ELOC: variants seen among roughly 807,000 people sequenced by gnomAD.
The protein encoded by ELOC is elongin-C.
For synonymous variants in ELOC, 40 were observed against 51.3 expected, an observed-to-expected ratio of 0.78 and a Z score of 0.94; for missense variants, 38 against 139.0, an observed-to-expected ratio of 0.27 and a Z score of 3.65.
chr8:73,952,213 G>A (rs1249637126), intron 3 of ELOC, among the ~76,000 whole-genome samples: 2 of 152,000 alleles, frequency 1.3e-5, no homozygotes, highest in Non-Finnish European at 2.9e-5. Context: ...AGACCAGCCT[G>A]GCCAACACGG....
chr8:73,968,353 C>T (rs990985970), intron 1 of ELOC, among the ~76,000 whole-genome samples: 3 of 152,194 alleles, frequency 2.0e-5, no homozygotes, highest in African/African-American at 7.2e-5. Context: ...GAGTCGCCCT[C>T]CCACAACACA....
chr8:73,964,374 T>C (rs1048967344), intron 1 of ELOC: 2 of 151,950 alleles, frequency 1.3e-5, no homozygotes, highest in Non-Finnish European at 2.9e-5. Context: ...AATATCCATA[T>C]GGATAAGAAG....
rs1813358652 is a variant in ELOC, at chr8:73,946,024, T to G, written c.*606A>C. On this transcript the variant is annotated 3_prime_UTR_variant, in exon 4 of 4. Coordinates refer to ENST00000520242, the MANE Select transcript of ELOC (RefSeq NM_005648.4). ...AGTTCAGTTTCTTCTGCAAAAGCTG[T>G]ACCTAGTAACCTTCCAAAATTGTTT... 6.6e-6 allele frequency: 1 copy of G among 151,404 alleles called. No homozygotes were observed. The highest frequency in any genetic ancestry group is 2.1e-4 in the South Asian group (1 of 4,832). 9.4% of individuals were successfully genotyped at this position (151,404 alleles called of 1,614,324 possible).
intron 2 of ELOC, among the ~76,000 whole-genome samples, chr8:73,957,682 T>C (rs1378005258): frequency 6.6e-6 from 1 of 152,200 alleles, no homozygotes; most frequent in African/African-American, 2.4e-5. Context: ...GAATAGTCTT[T>C]GAAGTAGAAA....
At chr8:73,970,989 A>C (rs1352214011) in intron 1 of ELOC, among the ~76,000 whole-genome samples, 2 of 145,986 alleles carry the variant, frequency 1.4e-5, no homozygotes, top group Non-Finnish European at 3.0e-5. Flanking sequence ...AGCCGAGATC[A>C]AGTCACTGCA....
chr8:73,950,240 TGA>T (rs1454948408), intron 3 of ELOC, among the ~76,000 whole-genome samples: 1 of 152,174 alleles, frequency 6.6e-6, no homozygotes, highest in African/African-American at 2.4e-5. Flanking sequence ...TGGCTCTTTC[TGA>T]CATAAAAATG....
chr8:73,969,854 C>A (rs1815237238), intron 1 of ELOC, among the ~76,000 whole-genome samples: 1 of 152,312 alleles, frequency 6.6e-6, no homozygotes, highest in Admixed American at 6.5e-5. Context: ...ATAAATATTT[C>A]TTGAGTGAAT....
At chr8:73,970,927 C>T (rs567957664) in intron 1 of ELOC, among the ~76,000 whole-genome samples, 4 of 142,052 alleles carry the variant, frequency 2.8e-5, no homozygotes, top group African/African-American at 1.1e-4. Flanking sequence ...CCAGCTGCTC[C>T]AGAGGCTGAG....
Position 73,946,419 on chromosome 8 carries a change from T to A in ELOC, c.*211A>T. ...CTACGAATTGGCATATTTGTTTATT[T>A]CTCAGTTTGTGAAAATGTCCTTAAT... is the stretch of plus-strand genomic sequence containing the variant. On this transcript the variant is annotated 3_prime_UTR_variant, in exon 4 of 4. Coordinates refer to ENST00000520242, the MANE Select transcript of ELOC (RefSeq NM_005648.4). The A allele has an allele frequency of 2.2e-6, 1 of 449,362 alleles. No homozygotes were observed. Among genetic ancestry groups the A allele is most frequent in the Non-Finnish European group, 3.9e-6 (1 of 254,730 alleles). 27.8% of individuals were successfully genotyped at this position (449,362 alleles called of 1,614,324 possible).
intron 3 of ELOC, among the ~76,000 whole-genome samples, chr8:73,953,911 T>C (rs1813955614): frequency 6.6e-6 from 1 of 152,230 alleles, no homozygotes; most frequent in South Asian, 2.1e-4. Context: ...GAACTATTCA[T>C]GGTAGCCAAA....
At chr8:73,950,768 A>G (rs1160337896) in intron 3 of ELOC, among the ~76,000 whole-genome samples, 1 of 152,236 alleles carries the variant, frequency 6.6e-6, no homozygotes, top group Non-Finnish European at 1.5e-5. Context: ...AATTTTAACT[A>G]TGAGTTTACA....
chr8:73,948,835 ACAAG>A (rs149713108), intron 3 of ELOC, among the ~76,000 whole-genome samples: 11,437 of 150,314 alleles, frequency 0.076, 928 homozygotes, highest in African/African-American at 0.19. Context: ...CCTGTCACTC[ACAAG>A]CAAGCAAGCA....
At chr8:73,947,387 C>T (rs1008493314) in intron 3 of ELOC, among the ~76,000 whole-genome samples, 2 of 152,070 alleles carry the variant, frequency 1.3e-5, no homozygotes, top group Non-Finnish European at 2.9e-5. Flanking sequence ...AAAAAGAGAG[C>T]CTCAGAAGAG....
At chr8:73,950,604 G>A (rs928657194) in intron 3 of ELOC, among the ~76,000 whole-genome samples, 1 of 152,114 alleles carries the variant, frequency 6.6e-6, no homozygotes, top group African/African-American at 2.4e-5. Flanking sequence ...AAATCATAGT[G>A]GGGAATTTTT....
intron 3 of ELOC, among the ~76,000 whole-genome samples, chr8:73,949,415 T>A (rs1813604336): frequency 6.6e-6 from 1 of 152,334 alleles, no homozygotes. Context: ...TTATATAACA[T>A]AAAATCAACC....
intron 2 of ELOC, among the ~76,000 whole-genome samples, chr8:73,957,167 T>C (rs1814248407): frequency 7.4e-6 from 1 of 135,428 alleles, no homozygotes; most frequent in African/African-American, 2.7e-5. Context: ...AGAAAGACCC[T>C]GTCTCAAAAA....
chr8:73,951,889 A>G (rs915769205), intron 3 of ELOC, among the ~76,000 whole-genome samples: 18 of 152,216 alleles, frequency 1.2e-4, no homozygotes, highest in African/African-American at 3.9e-4. Context: ...ACAAATCTAC[A>G]GTCAACTGAT....
At chr8:73,959,563 G>A (rs1196699324) in intron 2 of ELOC, among the ~76,000 whole-genome samples, 1 of 152,122 alleles carries the variant, frequency 6.6e-6, no homozygotes, top group Non-Finnish European at 1.5e-5. Flanking sequence ...TAATCTTTAT[G>A]AAACCATGTC....
chr8:73,968,313 T>C (rs1322223896), intron 1 of ELOC, among the ~76,000 whole-genome samples: 1 of 152,182 alleles, frequency 6.6e-6, no homozygotes, highest in African/African-American at 2.4e-5. Flanking sequence ...GACAACCACC[T>C]ATAACTCAGC....
Sources: allele counts gnomAD v4.1 joint callset (sites outside exome capture counted in the v4.1 genomes callset), GRCh38; gene constraint gnomAD v4.1.1; transcripts MANE v1.5; gene names NCBI Gene and HGNC (gene_info 2026-07-23, HGNC 2026-07-21).